The following CCDC102B variants were observed in gnomAD, a reference collection of about 807,000 sequenced individuals.
The protein encoded by CCDC102B is coiled-coil domain containing 102B.
In CCDC102B, 75 loss-of-function variants were observed where a neutral mutation model predicts 57.4. That is an observed-to-expected ratio of 1.31 (90% CI 1.08 to 1.58). The LOEUF (loss-of-function observed/expected upper bound fraction) is 1.58, where lower values mean the gene tolerates loss of function less well. CCDC102B is among the 40% of genes most tolerant of loss of function. The pLI is 0.00. For synonymous variants in CCDC102B, 206 were observed against 201.9 expected (o/e 1.02, Z -0.17); for missense variants, 636 against 582.6 (o/e 1.09, Z -0.94).
chr18:68,948,954 G>A (rs890321375), intron 6 of CCDC102B, among the ~76,000 whole-genome samples: 2 of 152,086 alleles, frequency 1.3e-5, no homozygotes, highest in Non-Finnish European at 2.9e-5. Flanking sequence ...TAGGATGTCT[G>A]CAAGCTTGAG....
chr18:68,918,521 T>C (rs1293842436), intron 6 of CCDC102B, among the ~76,000 whole-genome samples: 1 of 152,208 alleles, frequency 6.6e-6, no homozygotes, highest in Non-Finnish European at 1.5e-5. Flanking sequence ...GGTTAGTCTT[T>C]TTAGAGAGAT....
chr18:68,880,576 A>G (rs929122295), intron 5 of CCDC102B, among the ~76,000 whole-genome samples: 1 of 152,068 alleles, frequency 6.6e-6, no homozygotes, highest in African/African-American at 2.4e-5. Flanking sequence ...CAACTAAGTC[A>G]TGAAGATAAC....
chr18:68,931,032 C>G (rs1003601139), intron 6 of CCDC102B, among the ~76,000 whole-genome samples: 1 of 151,730 alleles, frequency 6.6e-6, no homozygotes, highest in African/African-American at 2.4e-5. Flanking sequence ...GAGGCATGAT[C>G]AGTAAATCTT....
chr18:68,856,026 T>C (rs2038369997), intron 4 of CCDC102B, among the ~76,000 whole-genome samples: 1 of 152,184 alleles, frequency 6.6e-6, no homozygotes, highest in Non-Finnish European at 1.5e-5. Flanking sequence ...AAATACATTT[T>C]AATTTCCAAG....
At chr18:69,014,221 T>C (rs1465573897) in intron 7 of CCDC102B, among the ~76,000 whole-genome samples, 1 of 152,234 alleles carries the variant, frequency 6.6e-6, no homozygotes, top group Non-Finnish European at 1.5e-5. Flanking sequence ...TAAAATAGAC[T>C]AATTTCTCAA....
intron 4 of CCDC102B, among the ~76,000 whole-genome samples, chr18:68,866,120 A>G (rs552371696): frequency 6.6e-6 from 1 of 152,212 alleles, no homozygotes; most frequent in Non-Finnish European, 1.5e-5. Context: ...ATTAGTTTAC[A>G]TTTAATAATT....
At chr18:68,914,974 G>GA (rs1555725687) in intron 6 of CCDC102B, among the ~76,000 whole-genome samples, 12 of 147,546 alleles carry the variant, frequency 8.1e-5, no homozygotes, top group East Asian at 4.0e-4. Context: ...ACTACTGGGG[G>GA]GAGAGAGAGA....
intron 2 of CCDC102B, among the ~76,000 whole-genome samples, chr18:68,759,498 T>C (rs1370523217): frequency 6.6e-6 from 1 of 152,026 alleles, no homozygotes; most frequent in Non-Finnish European, 1.5e-5. Flanking sequence ...ACAAAGGAAC[T>C]GAGATTAAGA....
chr18:68,844,861 G>T (rs528332463), intron 3 of CCDC102B, among the ~76,000 whole-genome samples: 1 of 151,978 alleles, frequency 6.6e-6, no homozygotes, highest in Non-Finnish European at 1.5e-5. Context: ...AATTGTGACC[G>T]CTGTGGTTAA....
At chr18:68,745,768 A>T (rs2033596089) in intron 2 of CCDC102B, among the ~76,000 whole-genome samples, 1 of 152,076 alleles carries the variant, frequency 6.6e-6, no homozygotes, top group South Asian at 2.1e-4. Context: ...AGTAACCACG[A>T]TTTTCCTTTC....
At chr18:68,946,665 A>G (rs2049548806) in intron 6 of CCDC102B, among the ~76,000 whole-genome samples, 1 of 152,070 alleles carries the variant, frequency 6.6e-6, no homozygotes, top group African/African-American at 2.4e-5. Context: ...TGATAAAATT[A>G]TGTTTTGGGT....
intron 6 of CCDC102B, among the ~76,000 whole-genome samples, chr18:68,989,524 T>G (rs2145318888): frequency 6.6e-6 from 1 of 152,346 alleles, no homozygotes; most frequent in African/African-American, 2.4e-5. Flanking sequence ...TTCGACATTA[T>G]TACTGGATGT....
At chr18:68,715,623 C>A (rs953704651) in intron 1 of CCDC102B, 3 of 152,136 alleles carry the variant, frequency 2.0e-5, no homozygotes, top group African/African-American at 7.2e-5. Flanking sequence ...TAAGGATTGC[C>A]TCTTTAAAAA....
At chr18:68,936,281 TTC>T (rs752655880) in intron 6 of CCDC102B, among the ~76,000 whole-genome samples, 46 of 152,142 alleles carry the variant, frequency 3.0e-4, no homozygotes, top group Non-Finnish European at 4.9e-4. Context: ...AGCCTGTATT[TTC>T]TGTCACATTT....
chr18:68,782,709 G>A (rs918079664), intron 2 of CCDC102B, among the ~76,000 whole-genome samples: 9 of 152,216 alleles, frequency 5.9e-5, no homozygotes, highest in Non-Finnish European at 1.2e-4. Flanking sequence ...AAAACTAAAT[G>A]AAATCTTGAG....
At position 68,724,918 on chromosome 18, in the gene CCDC102B, C is replaced by T. The variant is rs907189803; in HGVS notation, c.-67+8324C>T. On this transcript the variant is annotated intron_variant, in intron 2 of 3. Transcript: ENST00000578970. ...ACTGTATTAGACTGTTCTCTTGCTG[C>T]GATGAGGAAATACCTGAGACTGGGT... Among the ~76,000 whole-genome samples, 20 of 152,186 alleles carry T rather than the reference C, an allele frequency of 1.3e-4. 1 individual carries two copies. Among genetic ancestry groups the T allele is most frequent in the South Asian group, 2.1e-4 (1 of 4,828 alleles).
At chr18:68,854,619 G>A (rs774620183) in intron 4 of CCDC102B, among the ~76,000 whole-genome samples, 2 of 152,014 alleles carry the variant, frequency 1.3e-5, no homozygotes, top group Non-Finnish European at 2.9e-5. Flanking sequence ...TGTAATACAT[G>A]CCTCTTTGCT....
intron 2 of CCDC102B, among the ~76,000 whole-genome samples, chr18:68,775,723 G>A (rs1319984441): frequency 1.4e-5 from 2 of 144,076 alleles, no homozygotes; most frequent in African/African-American, 5.2e-5. Flanking sequence ...GCGTGACCTC[G>A]GCTCACTGCA....
At chr18:68,894,556 CTTTT>C (rs1485472323) in intron 5 of CCDC102B, among the ~76,000 whole-genome samples, 1 of 151,540 alleles carries the variant, frequency 6.6e-6, no homozygotes, top group Non-Finnish European at 1.5e-5. Flanking sequence ...TATTACCTGA[CTTTT>C]TATTTATCAT....
Sources: allele counts gnomAD v4.1 joint callset (sites outside exome capture counted in the v4.1 genomes callset), GRCh38; gene constraint gnomAD v4.1.1; transcripts MANE v1.5; gene names NCBI Gene and HGNC (gene_info 2026-07-23, HGNC 2026-07-21).